The following USH2A variants were observed in gnomAD, a reference collection of about 807,000 sequenced individuals.
USH2A encodes the protein usherin.
A neutral mutation model predicts 538.9 loss-of-function variants in USH2A; 443 were observed. The ratio of observed to expected loss-of-function variants is 0.82; its 90% CI spans 0.76 to 0.89. The LOEUF is 0.89. USH2A is among the 40% of genes least tolerant of loss of function. The probability of loss-of-function intolerance (pLI) is 0.00; values close to 1 mark genes in which losing one functional copy is unlikely to be tolerated. For synonymous variants in USH2A, 2,413 were observed against 2,273.5 expected (o/e 1.06, Z -1.75); for missense variants, 6,633 against 6,324.8 (o/e 1.05, Z -1.65).
At chr1:215,850,146 C>A (rs1219713182) in intron 44 of USH2A, among the ~76,000 whole-genome samples, 1 of 151,568 alleles carries the variant, frequency 6.6e-6, no homozygotes, top group Non-Finnish European at 1.5e-5. Flanking sequence ...ATCATAACAA[C>A]AATATTAACA....
At chr1:216,153,624 T>G (rs1455278380) in intron 21 of USH2A, among the ~76,000 whole-genome samples, 1 of 152,214 alleles carries the variant, frequency 6.6e-6, no homozygotes, top group African/African-American at 2.4e-5. Context: ...TGAAAAACTT[T>G]CATTTCATAT....
At chr1:216,414,335 C>A (rs1353709677) in intron 3 of USH2A, among the ~76,000 whole-genome samples, 1 of 152,036 alleles carries the variant, frequency 6.6e-6, no homozygotes, top group African/African-American at 2.4e-5. Flanking sequence ...AAACACTAAT[C>A]ATTTTCCAAC....
Position 215,675,438 on chromosome 1 carries a change from T to A in USH2A, c.12473A>T (p.Gln4158Leu), listed in dbSNP as rs780213108. 1.9e-6 allele frequency: 3 copies of A among 1,613,852 alleles called. No individual in the cohort carries two copies. Among genetic ancestry groups the A allele is most frequent in the Admixed American group, 3.3e-5 (2 of 59,996 alleles). The change falls in exon 63 of 72, where the codon CAG becomes CTG. Residue 4158 changes from glutamine to leucine, a missense_variant. Transcript: ENST00000307340. The part of the protein sequence containing the change: ...LWTDEAPPDS[Q>L]LAPTVHSVKS... ...CACAGAGTGGACAGTAGGAGCCAGC[T>A]GAGAGTCTGGAGGGGCTTCATCTGT...
intron 9 of USH2A, among the ~76,000 whole-genome samples, chr1:216,298,558 C>G (rs139239995): frequency 8.5e-5 from 13 of 152,264 alleles, no homozygotes; most frequent in African/African-American, 3.1e-4. Flanking sequence ...TGCCAAACTA[C>G]TTGTTATTGA....
chr1:215,873,125 T>C (rs902200914), intron 43 of USH2A, among the ~76,000 whole-genome samples: 1 of 151,068 alleles, frequency 6.6e-6, no homozygotes, highest in Admixed American at 6.6e-5. Flanking sequence ...ATGTAAGGCA[T>C]TGAAAAAAAA....
At chr1:216,284,083 TTC>T (rs1294673640) in intron 11 of USH2A, among the ~76,000 whole-genome samples, 1 of 152,148 alleles carries the variant, frequency 6.6e-6, no homozygotes, top group Non-Finnish European at 1.5e-5. Context: ...CTCTCTGTCT[TTC>T]TCTCTCTATA....
intron 30 of USH2A, among the ~76,000 whole-genome samples, chr1:216,055,291 C>T (rs950364899): frequency 9.2e-5 from 14 of 152,160 alleles, no homozygotes; most frequent in African/African-American, 3.4e-4. Flanking sequence ...AAGAGCAAGA[C>T]ATTTATTAAG....
At chr1:216,134,838 G>A (rs2102605242) in intron 21 of USH2A, among the ~76,000 whole-genome samples, 1 of 152,144 alleles carries the variant, frequency 6.6e-6, no homozygotes, top group African/African-American at 2.4e-5. Flanking sequence ...CTGAAATAAG[G>A]CTGTCAAGAA....
chr1:215,739,546 TG>T (rs1660244634), intron 60 of USH2A, among the ~76,000 whole-genome samples: 1 of 152,230 alleles, frequency 6.6e-6, no homozygotes, highest in African/African-American at 2.4e-5. Context: ...TAGCATTAAG[TG>T]GATGAAAGAA....
intron 41 of USH2A, among the ~76,000 whole-genome samples, chr1:215,885,809 C>A (rs573588354): frequency 1.3e-5 from 2 of 152,244 alleles, no homozygotes; most frequent in African/African-American, 2.4e-5. Context: ...GAGAAAAAAA[C>A]CACATTGCAC....
At chr1:216,265,139 A>G (rs1182299555) in intron 11 of USH2A, among the ~76,000 whole-genome samples, 1 of 151,092 alleles carries the variant, frequency 6.6e-6, no homozygotes, top group Non-Finnish European at 1.5e-5. Context: ...CCTAGAATAT[A>G]TAAGAAAATC....
intron 44 of USH2A, among the ~76,000 whole-genome samples, chr1:215,851,514 C>A (rs985055801): frequency 6.6e-6 from 1 of 152,044 alleles, no homozygotes; most frequent in African/African-American, 2.4e-5. Context: ...TCTGAACAGA[C>A]CAATAACAAG....
intron 11 of USH2A, among the ~76,000 whole-genome samples, chr1:216,272,715 T>C (rs1178534915): frequency 6.6e-6 from 1 of 151,960 alleles, no homozygotes; most frequent in Non-Finnish European, 1.5e-5. Context: ...AGAGGAAAAA[T>C]TATGTTTGTG....
intron 4 of USH2A, among the ~76,000 whole-genome samples, chr1:216,345,928 C>G (rs916359890): frequency 6.6e-6 from 1 of 152,096 alleles, no homozygotes; most frequent in African/African-American, 2.4e-5. Context: ...ATCTGCTGCT[C>G]TAGACTCCTT....
At chr1:215,674,036 G>T in intron 63 of USH2A, 64 bp downstream of exon 63, 1 of 1,612,942 alleles carries the variant, frequency 6.2e-7, no homozygotes, top group Non-Finnish European at 8.5e-7. Flanking sequence ...AACTGACCAA[G>T]GGCTCAGGCA....
chr1:215,702,773 G>C (rs10864189), intron 61 of USH2A, among the ~76,000 whole-genome samples: 1 of 151,220 alleles, frequency 6.6e-6, no homozygotes, highest in Non-Finnish European at 1.5e-5. Context: ...CCTTTTGCTC[G>C]GAGGAGTTTG....
chr1:216,207,008 T>C (rs1365242409), intron 16 of USH2A, among the ~76,000 whole-genome samples: 1 of 152,124 alleles, frequency 6.6e-6, no homozygotes, highest in Non-Finnish European at 1.5e-5. Context: ...AGTTCCAGCT[T>C]CCCCACATTC....
At chr1:216,243,871 T>C (rs546541287) in intron 13 of USH2A, among the ~76,000 whole-genome samples, 1 of 152,302 alleles carries the variant, frequency 6.6e-6, no homozygotes, top group East Asian at 1.9e-4. Flanking sequence ...GTCCATATGG[T>C]CTTCAGAAAA....
intron 47 of USH2A, among the ~76,000 whole-genome samples, chr1:215,825,352 A>G (rs1208040993): frequency 6.6e-6 from 1 of 152,092 alleles, no homozygotes; most frequent in Non-Finnish European, 1.5e-5. Flanking sequence ...CCCAGATCTC[A>G]TCACTTCCAG....
Sources: allele counts gnomAD v4.1 joint callset (sites outside exome capture counted in the v4.1 genomes callset), GRCh38; gene constraint gnomAD v4.1.1; transcripts MANE v1.5; gene names NCBI Gene and HGNC (gene_info 2026-07-23, HGNC 2026-07-21).